Variants in TAFA2 observed in about 807,000 individuals in gnomAD.
TAFA2 encodes TAFA chemokine like family member 2, also known as chemokine-like protein TAFA-2.
TAFA2 carries 7 observed loss-of-function variants against 18.8 expected under a neutral mutation model. The ratio of observed to expected loss-of-function variants is 0.37; its 90% CI spans 0.21 to 0.70. TAFA2 has a LOEUF of 0.70. Among genes scored for constraint, TAFA2 ranks in the 30% least tolerant of loss-of-function variants. The pLI is 0.53. For synonymous variants in TAFA2, 60 were observed against 54.2 expected (o/e 1.11, Z -0.47); for missense variants, 122 against 158.1 (o/e 0.77, Z 1.23).
chr12:62,060,840 A>T (rs1022657126), intron 1 of TAFA2, among the ~76,000 whole-genome samples: 1 of 152,156 alleles, frequency 6.6e-6, no homozygotes, highest in Non-Finnish European at 1.5e-5. Context: ...TTAAAATTTT[A>T]AAAATAGAAA....
chr12:61,924,620 A>G (rs566398539), intron 1 of TAFA2, among the ~76,000 whole-genome samples: 3 of 152,234 alleles, frequency 2.0e-5, no homozygotes, highest in Non-Finnish European at 4.4e-5. Flanking sequence ...AACCAGTACC[A>G]GCCACTGTAA....
chr12:61,939,213 T>C (rs1213248978), intron 1 of TAFA2, among the ~76,000 whole-genome samples: 1 of 152,210 alleles, frequency 6.6e-6, no homozygotes, highest in African/African-American at 2.4e-5. Flanking sequence ...AATCCATAAA[T>C]TAATTTAAAA....
chr12:61,803,191 T>C (rs2120978574), intron 2 of TAFA2, among the ~76,000 whole-genome samples: 1 of 152,028 alleles, frequency 6.6e-6, no homozygotes, highest in African/African-American at 2.4e-5. Flanking sequence ...AAAGATATAT[T>C]AAATGACTGG....
At chr12:62,223,366 T>C (rs1384582210) in intron 1 of TAFA2, among the ~76,000 whole-genome samples, 3 of 152,138 alleles carry the variant, frequency 2.0e-5, no homozygotes, top group Non-Finnish European at 4.4e-5. Flanking sequence ...TGTGTGGAGA[T>C]GAGGTCTCCG....
chr12:62,078,489 G>A (rs942757718), intron 1 of TAFA2, among the ~76,000 whole-genome samples: 16 of 151,020 alleles, frequency 1.1e-4, no homozygotes, highest in Admixed American at 2.0e-4. Context: ...GCCTTTCACT[G>A]ATTTTTTTCC....
intron 1 of TAFA2, among the ~76,000 whole-genome samples, chr12:62,047,823 A>G (rs1217395726): frequency 6.6e-6 from 1 of 152,184 alleles, no homozygotes; most frequent in Non-Finnish European, 1.5e-5. Flanking sequence ...AAATGCCAGA[A>G]TGCATCTAAA....
At chr12:61,932,796 C>T (rs1455718410) in intron 1 of TAFA2, among the ~76,000 whole-genome samples, 1 of 152,130 alleles carries the variant, frequency 6.6e-6, no homozygotes, top group Non-Finnish European at 1.5e-5. Context: ...TGCTATTCCA[C>T]AAGTTTCCGG....
At chr12:61,941,860 G>A (rs1878036069) in intron 1 of TAFA2, among the ~76,000 whole-genome samples, 1 of 152,194 alleles carries the variant, frequency 6.6e-6, no homozygotes, top group Admixed American at 6.5e-5. Context: ...CTGCAAGGCG[G>A]CAGCGAGGCT....
intron 1 of TAFA2, among the ~76,000 whole-genome samples, chr12:62,215,584 C>T (rs963634503): frequency 1.8e-5 from 2 of 109,358 alleles, no homozygotes; most frequent in South Asian, 2.9e-4. Context: ...AAAAAAGGGG[C>T]GGAAGAACTT....
At chr12:62,176,770 G>A (rs1040365098) in intron 1 of TAFA2, among the ~76,000 whole-genome samples, 2 of 152,132 alleles carry the variant, frequency 1.3e-5, no homozygotes, top group African/African-American at 4.8e-5. Flanking sequence ...GAAAAAGGGG[G>A]TCCTACTTAG....
chr12:62,220,019 T>C lies in TAFA2; in HGVS notation c.-130+38744A>G, dbSNP rs539482134. 6.6e-5 allele frequency among the ~76,000 whole-genome samples: 10 copies of C among 152,248 alleles called. No homozygotes were observed. In the East Asian group the frequency reaches 1.7e-3, roughly 26 times the overall value. ...AAGTTATGGAGCATTTTTAAACAACTAAATTATTGAAATGTTACCAAAAAT... is the reference window on the plus strand; with the variant it reads ...AAGTTATGGAGCATTTTTAAACAACCAAATTATTGAAATGTTACCAAAAAT... On this transcript the variant is annotated intron_variant, in intron 1 of 5. Coordinates refer to the TAFA2 transcript ENST00000551619.
intron 1 of TAFA2, among the ~76,000 whole-genome samples, chr12:61,922,803 A>G (rs571469356): frequency 1.8e-3 from 280 of 152,292 alleles, no homozygotes; most frequent in African/African-American, 6.5e-3. Context: ...GGTCTAGCTC[A>G]GCAGATCCAC....
In TAFA2 at chr12:62,021,594, G is replaced by A. The variant is rs1592554913; in HGVS notation, c.-1-154168C>T. 16 of 951,486 alleles carry A rather than the reference G, an allele frequency of 1.7e-5. No homozygotes were observed. In the East Asian group the frequency reaches 2.4e-4, roughly 14 times the overall value. The allele number at this position is 951,486 out of a possible 1,614,324, so 58.9% of individuals were successfully genotyped here. A position where few individuals can be genotyped will look rare whatever the true frequency, so the allele number is the denominator to read the frequency against. ...ACGCTGTGGGGACTGGCTGGGTGAC[G>A]GCAGGCGGTTCTGGCTTCCCACCCT... On this transcript the variant is annotated intron_variant, in intron 1 of 4. Coordinates refer to ENST00000416284, the MANE Select transcript of TAFA2 (RefSeq NM_178539.5).
chr12:62,224,120 C>CAA (rs1198299530), intron 1 of TAFA2, among the ~76,000 whole-genome samples: 1 of 144,636 alleles, frequency 6.9e-6, no homozygotes, highest in Non-Finnish European at 1.5e-5. Flanking sequence ...CACACACACA[C>CAA]AATGGAATAT....
chr12:61,753,532 C>T, intron 4 of TAFA2, 90 bp downstream of exon 4: 2 of 1,213,968 alleles, frequency 1.6e-6, no homozygotes, highest in Admixed American at 2.3e-5. Context: ...TCTTCCATTC[C>T]ACAATTGCCA....
intron 1 of TAFA2, among the ~76,000 whole-genome samples, chr12:61,882,993 T>A (rs990219246): frequency 2.0e-5 from 3 of 152,200 alleles, no homozygotes; most frequent in African/African-American, 7.2e-5. Context: ...CAAAGGTTCA[T>A]CCTCCAAGGA....
At chr12:61,987,341 GC>G (rs1879854005) in intron 1 of TAFA2, among the ~76,000 whole-genome samples, 1 of 152,152 alleles carries the variant, frequency 6.6e-6, no homozygotes. Flanking sequence ...ACACATCTCT[GC>G]CTGCTTTTCA....
At chr12:62,196,753 G>A (rs1167489952), upstream of TAFA2, among the ~76,000 whole-genome samples, 2 of 152,114 alleles carry the variant, frequency 1.3e-5, no homozygotes, top group East Asian at 3.9e-4. Context: ...GAAATATTGT[G>A]AGAATTACCA....
chr12:62,087,294 A>C (rs1868495345), intron 1 of TAFA2, among the ~76,000 whole-genome samples: 1 of 152,142 alleles, frequency 6.6e-6, no homozygotes, highest in Non-Finnish European at 1.5e-5. Flanking sequence ...TAAAATGGTA[A>C]ATTTCAGATT....
Sources: gnomAD v4.1 joint callset for allele counts (sites outside exome capture counted in the v4.1 genomes callset) on GRCh38, gnomAD v4.1.1 for gene constraint, MANE v1.5 for transcripts, NCBI Gene and HGNC (gene_info 2026-07-23, HGNC 2026-07-21) for gene names.